CCAR1: variants seen among roughly 807,000 people sequenced by gnomAD.
CCAR1 encodes cell division cycle and apoptosis regulator protein 1.
Under a neutral mutation model 163.8 loss-of-function variants are expected in CCAR1, and 78 were observed. That is an observed-to-expected ratio of 0.48 (90% CI 0.40 to 0.57). The LOEUF is 0.57. Among genes scored for constraint, CCAR1 ranks in the 20% least tolerant of loss-of-function variants. The pLI is 0.00. For synonymous variants in CCAR1, 443 were observed against 460.7 expected (o/e 0.96, Z 0.49); for missense variants, 1,019 against 1,365.2 (o/e 0.75, Z 4.00).
intron 19 of CCAR1, among the ~76,000 whole-genome samples, chr10:68,779,614 G>T (rs752056745): frequency 2.0e-4 from 31 of 152,284 alleles, no homozygotes; most frequent in Middle Eastern, 6.8e-3. Flanking sequence ...AGGTAACACA[G>T]TTTAACAAGG....
In CCAR1 at chr10:68,771,430, T is replaced by C. The variant is rs1337952479; in HGVS notation, c.2523T>C (p.Asp841=). The C allele has an allele frequency of 1.9e-6, 3 of 1,582,756 alleles. No individual in the cohort carries two copies. The highest frequency in any genetic ancestry group is 2.6e-6 in the Non-Finnish European group (3 of 1,168,846). Residue 841 remains aspartate (D), a synonymous_variant, in exon 18 of 25, where the codon GAT becomes GAC. Transcript: ENST00000265872. ...GCGATGATAAAGATAAAAAAGAAGA[T>C]AGAGATGAAAGGAAGGTCTGTAATA... is the stretch of plus-strand genomic sequence containing the variant. ...KSGDDKDKKE[D]RDERKKEDKR... is the part of the protein sequence containing the mutation.
chr10:68,789,690 T>G lies in CCAR1; in HGVS notation c.3188-20T>G. On this transcript the variant is annotated intron_variant, in intron 23 of 24. Coordinates refer to ENST00000265872, the MANE Select transcript of CCAR1 (RefSeq NM_018237.4). ...AAATTTTAGGAAGTAAAATGTTAATTTTTGGATTTTTTTAAACAGATGAAG... is the reference window on the plus strand; with the variant it reads ...AAATTTTAGGAAGTAAAATGTTAATGTTTGGATTTTTTTAAACAGATGAAG... 1 of 1,429,646 alleles carries G rather than the reference T, an allele frequency of 7.0e-7. No individual in the cohort carries two copies. Among genetic ancestry groups the G allele is most frequent in the East Asian group, 2.3e-5 (1 of 43,088 alleles). The allele number at this position is 1,429,646 out of a possible 1,614,324, so 88.6% of individuals were successfully genotyped here.
chr10:68,776,906 C>T (rs1043776956), intron 19 of CCAR1, among the ~76,000 whole-genome samples: 1 of 152,172 alleles, frequency 6.6e-6, no homozygotes, highest in African/African-American at 2.4e-5. Flanking sequence ...TACTTGACAC[C>T]TCCACTTAGT....
chr10:68,740,883 TTTTATTTATTTATTTATTTA>T (rs754473259), intron 5 of CCAR1, among the ~76,000 whole-genome samples: 23 of 144,892 alleles, frequency 1.6e-4, no homozygotes, highest in African/African-American at 5.4e-4. Context: ...TGAGGTTTTA[TTTTATTTATTTATTTATTTA>T]TTTATTTATT....
At chr10:68,736,250 T>G (rs1054703108) in intron 2 of CCAR1, among the ~76,000 whole-genome samples, 9 of 152,164 alleles carry the variant, frequency 5.9e-5, no homozygotes, top group Admixed American at 5.9e-4. Context: ...CAAAGTTTTA[T>G]AGATAATATA....
At chr10:68,747,716 G>A in intron 8 of CCAR1, 150 bp downstream of exon 8, 1 of 587,422 alleles carries the variant, frequency 1.7e-6, no homozygotes, top group Non-Finnish European at 2.9e-6. Flanking sequence ...TAGCTATGTG[G>A]AAGTATTTTT....
At chr10:68,745,696 T>G (rs988573937) in intron 6 of CCAR1, among the ~76,000 whole-genome samples, 14 of 151,354 alleles carry the variant, frequency 9.2e-5, no homozygotes, top group African/African-American at 3.4e-4. Context: ...ACCTCTGACC[T>G]CAGGTGATCC....
At chr10:68,724,269 G>T (rs2055907699) in intron 2 of CCAR1, among the ~76,000 whole-genome samples, 1 of 152,108 alleles carries the variant, frequency 6.6e-6, no homozygotes, top group Non-Finnish European at 1.5e-5. Context: ...TCGGAGACCA[G>T]CCTGGCTGAC....
At chr10:68,735,371 CTTTTTTTTTTT>C (rs34103994) in intron 2 of CCAR1, among the ~76,000 whole-genome samples, 1 of 115,420 alleles carries the variant, frequency 8.7e-6, no homozygotes, top group African/African-American at 3.4e-5. Context: ...CGTTTTTGTG[CTTTTTTTTTTT>C]TTTTTTTTTC....
chr10:68,773,354 C>G (rs917179452), intron 19 of CCAR1, among the ~76,000 whole-genome samples: 10 of 151,930 alleles, frequency 6.6e-5, no homozygotes, highest in African/African-American at 2.4e-4. Context: ...AACATGGTGC[C>G]TAAGCTGTGC....
At chr10:68,785,348 G>C (rs772470037) in intron 19 of CCAR1, among the ~76,000 whole-genome samples, 34 of 151,546 alleles carry the variant, frequency 2.2e-4, no homozygotes, top group Non-Finnish European at 4.1e-4. Context: ...AGCCCTCTGC[G>C]CAACTGGGAC....
chr10:68,771,113 T>C, intron 17 of CCAR1, 93 bp from the exon 18 acceptor site: 4 of 1,088,640 alleles, frequency 3.7e-6, no homozygotes, highest in Non-Finnish European at 5.3e-6. Flanking sequence ...ACATAATCGT[T>C]GTATGTGGCA....
At position 68,756,269 on chromosome 10, in the gene CCAR1, A is replaced by G. The variant is rs2056396322; in HGVS notation, c.1626-4A>G. The G allele has an allele frequency of 6.2e-7, 1 of 1,611,234 alleles. No individual in the cohort carries two copies. The highest frequency in any genetic ancestry group is 8.5e-7 in the Non-Finnish European group (1 of 1,177,876). ...TTTCCAACATGCTTCTTCCCTTGCA[A>G]CAGGTACCGTTTTGCAGAGATTCGC... On this transcript the variant is annotated splice_region_variant and splice_polypyrimidine_tract_variant and intron_variant, in intron 13 of 24. Transcript: ENST00000265872. The surrounding 1 kb of genome is among the most constrained non-coding windows in gnomAD (Gnocchi z 5.1).
chr10:68,752,934 A>G (rs556213081), intron 10 of CCAR1, among the ~76,000 whole-genome samples: 2 of 139,076 alleles, frequency 1.4e-5, no homozygotes, highest in Non-Finnish European at 3.1e-5. Flanking sequence ...ATAGATAGAT[A>G]GATAGATTCT....
chr10:68,771,587 T>A (rs2056602889), intron 18 of CCAR1, 142 bp downstream of exon 18: 1 of 808,288 alleles, frequency 1.2e-6, no homozygotes, highest in Admixed American at 2.5e-5. Context: ...TTTGAGACCA[T>A]CACAGCTAAC....
At chr10:68,783,311 T>C (rs528162106) in intron 19 of CCAR1, among the ~76,000 whole-genome samples, 1 of 152,180 alleles carries the variant, frequency 6.6e-6, no homozygotes, top group East Asian at 1.9e-4. Flanking sequence ...TGTCTCAGCC[T>C]CCTGAGTAGC....
At chr10:68,773,262 ATTGT>A (rs1376603357) in intron 19 of CCAR1, among the ~76,000 whole-genome samples, 163 bp downstream of exon 19, 4 of 152,170 alleles carry the variant, frequency 2.6e-5, no homozygotes, top group African/African-American at 9.7e-5. Flanking sequence ...AGGTGAGAAG[ATTGT>A]TTGAAGACAT....
In CCAR1 at chr10:68,722,563, C is replaced by A; in HGVS notation, c.59C>A (p.Ala20Glu). The A allele has an allele frequency of 6.2e-7, 1 of 1,611,978 alleles. No homozygotes were observed. The highest frequency in any genetic ancestry group is 8.5e-7 in the Non-Finnish European group (1 of 1,178,076). The change falls in exon 2 of 25, where the codon GCA becomes GAA. Residue 20 changes from alanine to glutamate, a missense_variant. Coordinates refer to ENST00000265872, the MANE Select transcript of CCAR1 (RefSeq NM_018237.4). Reference protein sequence around the residue: ...PPWATQFTATAVSQPAALGVQ... With the variant: ...PPWATQFTATEVSQPAALGVQ... ...TGGGCTACTCAGTTTACAGCCACTG[C>A]AGTATCACAGCCAGGTCAGGCTTCT...
At position 68,737,073 on chromosome 10, in the gene CCAR1, T is replaced by G. The variant is rs1047452365; in HGVS notation, c.246+25T>G. 4.5e-6 allele frequency: 7 copies of G among 1,565,774 alleles called. No homozygotes were observed. In the African/African-American group the frequency reaches 6.8e-5, roughly 15 times the overall value. ...GGTAAATCTTTAATATGTCTTATTATTTGATGTAGAAAACTTTATGAAATC... is the reference window on the plus strand; with the variant it reads ...GGTAAATCTTTAATATGTCTTATTAGTTGATGTAGAAAACTTTATGAAATC... On this transcript the variant is annotated intron_variant, in intron 3 of 24. Coordinates refer to ENST00000265872, the MANE Select transcript of CCAR1 (RefSeq NM_018237.4).
Sources: gnomAD v4.1 joint callset for allele counts (sites outside exome capture counted in the v4.1 genomes callset) on GRCh38, gnomAD v4.1.1 for gene constraint, Gnocchi (gnomAD v3.1) non-coding constraint, MANE v1.5 for transcripts, NCBI Gene and HGNC (gene_info 2026-07-23, HGNC 2026-07-21) for gene names.